MDGA2: variants seen among roughly 807,000 people sequenced by gnomAD.
MDGA2 encodes the protein MAM domain-containing glycosylphosphatidylinositol anchor protein 2.
In MDGA2, 40 loss-of-function variants were observed where a neutral mutation model predicts 117.8. That is an observed-to-expected ratio of 0.34 (90% CI 0.26 to 0.44). MDGA2 has a LOEUF of 0.44. MDGA2 is among the 20% of genes least tolerant of loss of function. The pLI, the probability that MDGA2 is intolerant of heterozygous loss-of-function variation, is 1.00. For synonymous variants in MDGA2, 452 were observed against 439.0 expected (o/e 1.03, Z -0.37); for missense variants, 1,123 against 1,250.6 (o/e 0.90, Z 1.54).
At chr14:47,025,897 G>C (rs1276534722) in intron 8 of MDGA2, among the ~76,000 whole-genome samples, 1 of 152,046 alleles carries the variant, frequency 6.6e-6, no homozygotes, top group East Asian at 1.9e-4. Flanking sequence ...AGGAGTGGAA[G>C]GGCATGTTGG....
At chr14:47,006,484 A>C (rs906249990) in intron 8 of MDGA2, among the ~76,000 whole-genome samples, 7 of 149,156 alleles carry the variant, frequency 4.7e-5, no homozygotes, top group African/African-American at 1.7e-4. Flanking sequence ...CATTAATAAC[A>C]TAAAGAGTGA....
chr14:47,477,230 G>A (rs1330930855), intron 1 of MDGA2, among the ~76,000 whole-genome samples: 1 of 152,114 alleles, frequency 6.6e-6, no homozygotes, highest in East Asian at 1.9e-4. Flanking sequence ...TTCATGTAAA[G>A]TGCTTGAGAC....
chr14:46,997,859 A>G (rs1224219945), intron 8 of MDGA2, among the ~76,000 whole-genome samples: 1 of 152,168 alleles, frequency 6.6e-6, no homozygotes, highest in East Asian at 1.9e-4. Context: ...TTACTAATGA[A>G]ATTCTATTAT....
At chr14:46,990,900 AC>A (rs1379349713) in intron 8 of MDGA2, among the ~76,000 whole-genome samples, 18 of 89,308 alleles carry the variant, frequency 2.0e-4, no homozygotes, top group African/African-American at 6.9e-4. Context: ...ACACACACAC[AC>A]CCCGCGTAAG....
intron 9 of MDGA2, among the ~76,000 whole-genome samples, chr14:46,932,013 T>C (rs1246659035): frequency 6.6e-6 from 1 of 152,096 alleles, no homozygotes; most frequent in Non-Finnish European, 1.5e-5. Context: ...TGTGTGTACA[T>C]AACCCATAAT....
intron 1 of MDGA2, among the ~76,000 whole-genome samples, chr14:47,633,476 CTG>C (rs1287061768): frequency 6.6e-6 from 1 of 152,172 alleles, no homozygotes; most frequent in African/African-American, 2.4e-5. Flanking sequence ...ATCTCTAACA[CTG>C]TTTACTTTTT....
At chr14:46,877,963 C>T (rs1882297918) in intron 11 of MDGA2, among the ~76,000 whole-genome samples, 1 of 151,840 alleles carries the variant, frequency 6.6e-6, no homozygotes, top group Non-Finnish European at 1.5e-5. Context: ...GTAGAAAGTT[C>T]ATGGCACAGA....
At chr14:46,954,915 A>G (rs1346806968) in intron 9 of MDGA2, among the ~76,000 whole-genome samples, 4 of 152,036 alleles carry the variant, frequency 2.6e-5, no homozygotes, top group Non-Finnish European at 5.9e-5. Context: ...TCACTGAATC[A>G]TTAACTCTTT....
chr14:47,490,674 A>T (rs142159959), intron 1 of MDGA2, among the ~76,000 whole-genome samples: 141 of 152,270 alleles, frequency 9.3e-4, no homozygotes, highest in Non-Finnish European at 1.7e-3. Flanking sequence ...ATTTTAAGAG[A>T]ACAGGAATAT....
intron 15 of MDGA2, among the ~76,000 whole-genome samples, chr14:46,848,427 T>C (rs1880929109): frequency 6.6e-6 from 1 of 152,006 alleles, no homozygotes; most frequent in Admixed American, 6.6e-5. Flanking sequence ...ATACATGTCG[T>C]CAAAGTCATT....
In MDGA2 at chr14:47,561,153, G is replaced by GGTTT. The variant is rs1895797132; in HGVS notation, c.280+113363_280+113364insAAAC. ...TACCTCTATCTTTGTTTTTTTTTTT[G>GGTTT]TTTTGTTTTGTTTTTTTGTTTGTTT... On this transcript the variant is annotated intron_variant, in intron 1 of 16. Coordinates refer to ENST00000399232, the MANE Select transcript of MDGA2 (RefSeq NM_001113498.3). Among the ~76,000 whole-genome samples the GGTTT allele has an allele frequency of 3.1e-3, 196 of 63,798 alleles. 25 individuals are homozygous for GGTTT. The highest frequency in any genetic ancestry group is 0.012 in the East Asian group (8 of 694). The allele number at this position is 63,798 out of a possible 152,430, so 41.9% of individuals were successfully genotyped here.
At chr14:47,058,575 T>C (rs1889766427) in intron 7 of MDGA2, 3 of 984,862 alleles carry the variant, frequency 3.0e-6, no homozygotes, top group Non-Finnish European at 3.6e-6. Context: ...TATCCTAGAA[T>C]ACACCTATTT....
Position 46,840,307 on chromosome 14 carries a change from G to T in MDGA2, c.*1624C>A, listed in dbSNP as rs1484255640. On this transcript the variant is annotated 3_prime_UTR_variant, in exon 17 of 17. Transcript: ENST00000399232. ...TTGCATAATCAGTTTTTTTAATCCT[G>T]GGGTGTTGAAAGAACATATAATAAT... 6.6e-6 allele frequency: 1 copy of T among 151,908 alleles called. No individual in the cohort carries two copies. The highest frequency in any genetic ancestry group is 1.5e-5 in the Non-Finnish European group (1 of 67,832). 9.4% of individuals were successfully genotyped at this position (151,908 alleles called of 1,614,324 possible).
At chr14:46,868,867 T>C (rs1386094589) in intron 14 of MDGA2, among the ~76,000 whole-genome samples, 4 of 151,998 alleles carry the variant, frequency 2.6e-5, no homozygotes, top group Non-Finnish European at 5.9e-5. Flanking sequence ...GGAAGGCAAC[T>C]TCCATGTCAG....
intron 3 of MDGA2, among the ~76,000 whole-genome samples, chr14:47,162,918 T>C (rs71418147): frequency 6.6e-6 from 1 of 152,240 alleles, no homozygotes; most frequent in African/African-American, 2.4e-5. Flanking sequence ...TATGTGCACA[T>C]GCACTCGAAT....
chr14:47,459,952 C>T (rs1200084432), intron 1 of MDGA2, among the ~76,000 whole-genome samples: 2 of 152,002 alleles, frequency 1.3e-5, no homozygotes, highest in East Asian at 1.9e-4. Context: ...GAGTGGATTT[C>T]TAAAACTTAA....
chr14:47,325,994 C>A (rs1429987547), intron 1 of MDGA2, among the ~76,000 whole-genome samples: 1 of 152,028 alleles, frequency 6.6e-6, no homozygotes, highest in Non-Finnish European at 1.5e-5. Flanking sequence ...AGATTCCATG[C>A]AAAGGGGTTT....
At chr14:47,185,293 T>C (rs781515931) in intron 3 of MDGA2, among the ~76,000 whole-genome samples, 8 of 151,370 alleles carry the variant, frequency 5.3e-5, no homozygotes, top group Non-Finnish European at 8.9e-5. Flanking sequence ...AGAATAATTA[T>C]TCTGGAAAAA....
At chr14:47,289,351 ATACTTAAGG>A (rs1888801604) in intron 2 of MDGA2, among the ~76,000 whole-genome samples, 1 of 149,098 alleles carries the variant, frequency 6.7e-6, no homozygotes, top group African/African-American at 2.5e-5. Flanking sequence ...ACACACTCTC[ATACTTAAGG>A]CATATACATA....
Sources: gnomAD v4.1 joint callset for allele counts (sites outside exome capture counted in the v4.1 genomes callset) on GRCh38, gnomAD v4.1.1 for gene constraint, MANE v1.5 for transcripts, NCBI Gene and HGNC (gene_info 2026-07-23, HGNC 2026-07-21) for gene names.